THSD7B: variants seen among roughly 807,000 people sequenced by gnomAD.
THSD7B encodes the protein thrombospondin type 1 domain containing 7B.
Under a neutral mutation model 213.6 loss-of-function variants are expected in THSD7B, and 138 were observed. That is an observed-to-expected ratio of 0.65 (90% CI 0.56 to 0.74). THSD7B has a LOEUF of 0.74. Among genes scored for constraint, THSD7B ranks in the 30% least tolerant of loss-of-function variants. THSD7B has a pLI of 0.00. For synonymous variants in THSD7B, 742 were observed against 687.0 expected, an observed-to-expected ratio of 1.08 and a Z score of -1.25; for missense variants, 1,931 against 1,991.5, an observed-to-expected ratio of 0.97 and a Z score of 0.58.
chr2:137,211,978 T>C (rs1681122651), intron 7 of THSD7B, among the ~76,000 whole-genome samples: 1 of 152,062 alleles, frequency 6.6e-6, no homozygotes, highest in South Asian at 2.1e-4. Flanking sequence ...TCTACCATGC[T>C]GGAGCTAAAT....
chr2:136,803,846 G>A (rs1682232316), intron 1 of THSD7B, among the ~76,000 whole-genome samples: 2 of 152,108 alleles, frequency 1.3e-5, no homozygotes, highest in Non-Finnish European at 2.9e-5. Flanking sequence ...TGCCAGTGTG[G>A]GAGGGCAAGA....
chr2:137,479,151 C>G (rs1032791071), intron 15 of THSD7B, among the ~76,000 whole-genome samples: 1 of 152,126 alleles, frequency 6.6e-6, no homozygotes, highest in Non-Finnish European at 1.5e-5. Context: ...GCAGAACAAC[C>G]CTATCTCCCA....
intron 3 of THSD7B, among the ~76,000 whole-genome samples, chr2:137,093,868 G>A (rs1275657832): frequency 2.0e-5 from 3 of 151,988 alleles, no homozygotes; most frequent in Non-Finnish European, 4.4e-5. Context: ...CCATTAACTC[G>A]TCATTTAGCA....
chr2:137,361,887 A>G lies in THSD7B; in HGVS notation c.2501-43726A>G, dbSNP rs551167510. On this transcript the variant is annotated intron_variant, in intron 12 of 27. Transcript: ENST00000409968. Reference sequence around the variant, plus strand: ...AAATTCAGGAAATACAGAGAACACCACAAAGATACTCCTCGAGAAGAGCAA... The same window carrying G: ...AAATTCAGGAAATACAGAGAACACCGCAAAGATACTCCTCGAGAAGAGCAA... 1.0e-3 allele frequency among the ~76,000 whole-genome samples: 158 copies of G among 152,288 alleles called. 1 individual carries two copies. The highest frequency in any genetic ancestry group is 3.6e-3 in the African/African-American group (150 of 41,556).
At chr2:136,904,326 A>G (rs755146305) in intron 2 of THSD7B, among the ~76,000 whole-genome samples, 1 of 152,072 alleles carries the variant, frequency 6.6e-6, no homozygotes, top group Non-Finnish European at 1.5e-5. Flanking sequence ...GATCCTAGAC[A>G]TGGAGGCAGA....
intron 12 of THSD7B, among the ~76,000 whole-genome samples, chr2:137,362,569 A>AT (rs1685291530): frequency 6.6e-6 from 1 of 152,142 alleles, no homozygotes; most frequent in Non-Finnish European, 1.5e-5. Context: ...GCAAAAAAAA[A>AT]GCAGGGGTTG....
chr2:137,129,948 T>C (rs1688699059), intron 5 of THSD7B, among the ~76,000 whole-genome samples: 1 of 152,190 alleles, frequency 6.6e-6, no homozygotes, highest in African/African-American at 2.4e-5. Context: ...TAAAAGATAG[T>C]TTTATTTCAG....
intron 1 of THSD7B, among the ~76,000 whole-genome samples, chr2:136,860,983 C>T (rs1006741172): frequency 1.3e-5 from 2 of 152,220 alleles, no homozygotes; most frequent in African/African-American, 4.8e-5. Flanking sequence ...AACGCTGTTT[C>T]GCAGATAGCT....
At chr2:136,973,786 A>G (rs1685439650) in intron 2 of THSD7B, among the ~76,000 whole-genome samples, 1 of 152,170 alleles carries the variant, frequency 6.6e-6, no homozygotes, top group African/African-American at 2.4e-5. Flanking sequence ...TTAGGGTAAT[A>G]TTTTTGAACT....
At chr2:137,375,274 G>A (rs538146329) in intron 12 of THSD7B, among the ~76,000 whole-genome samples, 1 of 152,124 alleles carries the variant, frequency 6.6e-6, no homozygotes, top group East Asian at 1.9e-4. Flanking sequence ...AATTTTAACA[G>A]GTTAAAAAAA....
At chr2:137,340,801 C>A (rs1160770698) in intron 12 of THSD7B, among the ~76,000 whole-genome samples, 2 of 151,662 alleles carry the variant, frequency 1.3e-5, no homozygotes, top group African/African-American at 2.4e-5. Flanking sequence ...GTATGTATCC[C>A]ACATTTTCTG....
intron 1 of THSD7B, among the ~76,000 whole-genome samples, chr2:136,836,392 A>C (rs1682842968): frequency 6.6e-6 from 1 of 152,190 alleles, no homozygotes; most frequent in South Asian, 2.1e-4. Context: ...CAGGAGGTCC[A>C]TATGCATGCA....
intron 2 of THSD7B, among the ~76,000 whole-genome samples, chr2:137,032,071 G>C (rs1686685292): frequency 6.6e-6 from 1 of 151,658 alleles, no homozygotes; most frequent in African/African-American, 2.4e-5. Flanking sequence ...AAACTCCTAA[G>C]CTCAAGAGAT....
chr2:137,651,163 T>C (rs1390120651), intron 21 of THSD7B, among the ~76,000 whole-genome samples: 1 of 152,164 alleles, frequency 6.6e-6, no homozygotes, highest in Admixed American at 6.5e-5. Context: ...AGTTCTATGT[T>C]AAATGTTTGG....
chr2:137,557,680 C>G (rs1425722717), intron 15 of THSD7B, among the ~76,000 whole-genome samples: 9 of 152,026 alleles, frequency 5.9e-5, no homozygotes, highest in Non-Finnish European at 1.2e-4. Flanking sequence ...CAAACACATT[C>G]AAAAGCTAGC....
intron 2 of THSD7B, among the ~76,000 whole-genome samples, chr2:137,053,578 A>G (rs929732817): frequency 2.2e-5 from 2 of 90,668 alleles, no homozygotes; most frequent in Non-Finnish European, 4.5e-5. Flanking sequence ...ATTTATAATA[A>G]AAAAAAAAAG....
chr2:137,256,598 C>T (rs940482068), intron 10 of THSD7B, among the ~76,000 whole-genome samples: 6 of 152,072 alleles, frequency 3.9e-5, no homozygotes, highest in African/African-American at 9.7e-5. Context: ...TGCAGGTACC[C>T]GCTCGTGAAG....
intron 12 of THSD7B, among the ~76,000 whole-genome samples, chr2:137,306,729 C>T (rs1011774263): frequency 6.6e-6 from 1 of 151,794 alleles, no homozygotes; most frequent in Non-Finnish European, 1.5e-5. Flanking sequence ...CTTGAGTTTT[C>T]TGTTTTTGTT....
At chr2:137,333,011 G>A (rs1209785597) in intron 12 of THSD7B, among the ~76,000 whole-genome samples, 1 of 152,134 alleles carries the variant, frequency 6.6e-6, no homozygotes, top group African/African-American at 2.4e-5. Context: ...GAGTTAGGTG[G>A]CCCTGTAGTA....
Sources: allele counts gnomAD v4.1 joint callset (sites outside exome capture counted in the v4.1 genomes callset), GRCh38; gene constraint gnomAD v4.1.1; transcripts MANE v1.5; gene names NCBI Gene and HGNC (gene_info 2026-07-23, HGNC 2026-07-21).